Variants in XPR1 observed in about 807,000 individuals in gnomAD.
XPR1 encodes solute carrier family 53 member 1.
A neutral mutation model predicts 87.5 loss-of-function variants in XPR1; 28 were observed. That is an observed-to-expected ratio of 0.32 (90% confidence interval 0.24 to 0.44). XPR1 has a LOEUF of 0.44. Among genes scored for constraint, XPR1 ranks in the 20% least tolerant of loss-of-function variants. The pLI, the probability that XPR1 is intolerant of heterozygous loss-of-function variation, is 1.00. For synonymous variants in XPR1, 300 were observed against 306.1 expected, an observed-to-expected ratio of 0.98 and a Z score of 0.21; for missense variants, 559 against 862.3, an observed-to-expected ratio of 0.65 and a Z score of 4.41.
At chr1:180,707,623 C>A (rs759918702) in intron 2 of XPR1, among the ~76,000 whole-genome samples, 4 of 152,130 alleles carry the variant, frequency 2.6e-5, no homozygotes, top group Non-Finnish European at 5.9e-5. Flanking sequence ...GTGTTGTGAA[C>A]CTAGAAGGAT....
intron 2 of XPR1, among the ~76,000 whole-genome samples, chr1:180,760,137 A>T (rs1469461060): frequency 2.6e-5 from 4 of 152,198 alleles, no homozygotes; most frequent in Admixed American, 6.5e-5. Context: ...GCTATCTATG[A>T]CATACCCACA....
At chr1:180,808,551 T>C (rs1174709859) in intron 6 of XPR1, among the ~76,000 whole-genome samples, 2 of 152,056 alleles carry the variant, frequency 1.3e-5, no homozygotes, top group Non-Finnish European at 2.9e-5. Context: ...ATAAAACATA[T>C]CTGTTAAAGG....
At chr1:180,636,630 G>T (rs1654784682) in intron 1 of XPR1, among the ~76,000 whole-genome samples, 1 of 152,176 alleles carries the variant, frequency 6.6e-6, no homozygotes, top group Non-Finnish European at 1.5e-5. Context: ...TTCAAATTCA[G>T]TCCTAATCTG....
chr1:180,880,408 G>A (rs1652813396), intron 14 of XPR1, 111 bp downstream of exon 14: 2 of 1,209,062 alleles, frequency 1.7e-6, no homozygotes, highest in Non-Finnish European at 2.3e-6. Context: ...CCAATACTCA[G>A]CCATTTTTCA....
chr1:180,813,969 C>G (rs1482827441), intron 7 of XPR1, among the ~76,000 whole-genome samples: 1 of 151,940 alleles, frequency 6.6e-6, no homozygotes, highest in African/African-American at 2.4e-5. Context: ...ATAATAATGC[C>G]CAAATAAGGA....
intron 2 of XPR1, among the ~76,000 whole-genome samples, chr1:180,691,575 C>G (rs905984036): frequency 1.3e-5 from 2 of 152,156 alleles, no homozygotes; most frequent in African/African-American, 2.4e-5. Context: ...ACACTAGTCT[C>G]TGTTTTTCTG....
chr1:180,833,962 A>G (rs1328542506), intron 9 of XPR1, among the ~76,000 whole-genome samples: 1 of 152,218 alleles, frequency 6.6e-6, no homozygotes, highest in East Asian at 1.9e-4. Context: ...TCAGTTCAGA[A>G]ATACCATATA....
At chr1:180,683,624 C>A (rs1656663811) in intron 2 of XPR1, among the ~76,000 whole-genome samples, 1 of 152,104 alleles carries the variant, frequency 6.6e-6, no homozygotes. Context: ...CTCTCCAGCA[C>A]CTGTTGTTTC....
At chr1:180,752,588 T>G (rs1647575844) in intron 2 of XPR1, among the ~76,000 whole-genome samples, 1 of 152,176 alleles carries the variant, frequency 6.6e-6, no homozygotes, top group Non-Finnish European at 1.5e-5. Flanking sequence ...TAGGAATTTT[T>G]CCTTTGTTCT....
At chr1:180,742,599 A>G (rs1469594266) in intron 2 of XPR1, among the ~76,000 whole-genome samples, 2 of 152,052 alleles carry the variant, frequency 1.3e-5, no homozygotes, top group African/African-American at 4.8e-5. Flanking sequence ...ATAAGTATGT[A>G]TATTCTGGTG....
Position 180,803,482 on chromosome 1 carries a change from G to A in XPR1, c.318G>A (p.Thr106=), listed in dbSNP as rs150752401. The A allele has an allele frequency of 5.0e-6, 8 of 1,613,878 alleles. No individual in the cohort carries two copies. Among genetic ancestry groups the A allele is most frequent in the East Asian group, 4.5e-5 (2 of 44,884 alleles). The change falls in exon 4 of 15, where the codon ACG becomes ACA. Residue 106 remains threonine (T), a synonymous_variant. Coordinates refer to ENST00000367590, the MANE Select transcript of XPR1 (RefSeq NM_004736.4). ...AGAAAGAAAGCACTGGTGTTACTACGCTGCGACAACGCAGAAAGCCAGTCT... is the reference window on the plus strand; with the variant it reads ...AGAAAGAAAGCACTGGTGTTACTACACTGCGACAACGCAGAAAGCCAGTCT... ...DAQKESTGVT[T]LRQRRKPVFH...
At chr1:180,640,478 T>C (rs73047689) in intron 1 of XPR1, among the ~76,000 whole-genome samples, 6,516 of 152,314 alleles carry the variant, frequency 0.043, 494 homozygotes, top group African/African-American at 0.15. Context: ...GCTCTTAATT[T>C]CTATGGCGTA....
rs1571855409 is a variant in XPR1 at position 180,806,166 on chromosome 1, A to G, written c.552A>G (p.Pro184=). 7 of 1,613,472 alleles carry G rather than the reference A, an allele frequency of 4.3e-6. No homozygotes were observed. The highest frequency in any genetic ancestry group is 5.1e-6 in the Non-Finnish European group (6 of 1,179,578). ...GAGTGGCTCACGTAGAGGTGGCCCC[A>G]TTTTATACATGCAAGAAAATCAACC... is the stretch of plus-strand genomic sequence containing the variant. ...DWRVAHVEVA[P]FYTCKKINQL... Residue 184 remains proline, a synonymous_variant, in exon 5 of 15, where the codon CCA becomes CCG. Coordinates refer to ENST00000367590, the MANE Select transcript of XPR1 (RefSeq NM_004736.4).
At chr1:180,651,705 A>T (rs1655296583) in intron 1 of XPR1, among the ~76,000 whole-genome samples, 1 of 152,208 alleles carries the variant, frequency 6.6e-6, no homozygotes, top group African/African-American at 2.4e-5. Context: ...TTAAGGGCTT[A>T]TAATATTTAA....
chr1:180,651,768 C>A (rs1655298813), intron 1 of XPR1, among the ~76,000 whole-genome samples: 1 of 151,854 alleles, frequency 6.6e-6, no homozygotes. Context: ...ATGTTTATAA[C>A]CATATAGGAA....
At chr1:180,728,141 A>T (rs2102005853) in intron 2 of XPR1, among the ~76,000 whole-genome samples, 1 of 152,252 alleles carries the variant, frequency 6.6e-6, no homozygotes, top group East Asian at 1.9e-4. Context: ...AAGCAAAAGG[A>T]TTTACATTTA....
At chr1:180,639,769 C>T (rs1008597438) in intron 1 of XPR1, among the ~76,000 whole-genome samples, 13 of 151,912 alleles carry the variant, frequency 8.6e-5, no homozygotes, top group African/African-American at 2.9e-4. Flanking sequence ...CAGTGTACAT[C>T]GATACATATA....
At chr1:180,760,493 A>C in intron 2 of XPR1, among the ~76,000 whole-genome samples, 1 of 152,342 alleles carries the variant, frequency 6.6e-6, no homozygotes, top group Middle Eastern at 3.4e-3. Context: ...GAGCCAAATC[A>C]TGAGTGAACT....
intron 2 of XPR1, among the ~76,000 whole-genome samples, chr1:180,773,278 A>G (rs1188270413): frequency 6.6e-6 from 1 of 152,168 alleles, no homozygotes; most frequent in Non-Finnish European, 1.5e-5. Flanking sequence ...AACAAACATC[A>G]TGTATTAAGG....
Sources: gnomAD v4.1 joint callset for allele counts (sites outside exome capture counted in the v4.1 genomes callset) on GRCh38, gnomAD v4.1.1 for gene constraint, MANE v1.5 for transcripts, NCBI Gene and HGNC (gene_info 2026-07-23, HGNC 2026-07-21) for gene names.